ZBBX: variants seen among roughly 807,000 people sequenced by gnomAD.
The protein encoded by ZBBX is zinc finger B-box domain containing.
In ZBBX, 101 loss-of-function variants were observed where a neutral mutation model predicts 108.5. The observed-to-expected ratio is 0.93, with a 90% confidence interval of 0.79 to 1.10. ZBBX has a LOEUF of 1.10. Among genes scored for constraint, ZBBX ranks in the 50% least tolerant of loss-of-function variants. The pLI is 0.00. For missense variants in ZBBX, 1,009 were observed against 941.4 expected, an observed-to-expected ratio of 1.07 and a Z score of -0.94; for synonymous variants, 356 against 323.4, an observed-to-expected ratio of 1.10 and a Z score of -1.08.
rs370294097 is a variant in ZBBX, at chr3:167,298,380, T to C, written c.1804A>G (p.Thr602Ala). Residue 602 changes from threonine to alanine, a missense_variant, in exon 18 of 22, where the codon ACA becomes GCA. Thr to Ala is a moderately conservative substitution (Grantham distance 58). Transcript: ENST00000675490. Reference sequence around the variant, plus strand: ...GGAAGTAAGTTGAGTCTTTCATTTGTATCAAAAATAAAGAATCTCTCAAGT... The same window carrying C: ...GGAAGTAAGTTGAGTCTTTCATTTGCATCAAAAATAAAGAATCTCTCAAGT... ...QGLERFFIFD[T>A]NERLNLLPSH... 1.0e-5 allele frequency: 16 copies of C among 1,599,450 alleles called. No homozygotes were observed. Among genetic ancestry groups the C allele is most frequent in the East Asian group, 2.3e-5 (1 of 44,362 alleles).
At chr3:167,273,146 C>A (rs1318899200) in intron 20 of ZBBX, among the ~76,000 whole-genome samples, 1 of 152,184 alleles carries the variant, frequency 6.6e-6, no homozygotes, top group African/African-American at 2.4e-5. Flanking sequence ...AGACTGCCAT[C>A]TCTTCTATAC....
chr3:167,328,597 T>G (rs1231182057), intron 10 of ZBBX, among the ~76,000 whole-genome samples: 2 of 152,152 alleles, frequency 1.3e-5, no homozygotes, highest in African/African-American at 4.8e-5. Context: ...CTACACAACC[T>G]TGTATTTCCT....
In ZBBX at chr3:167,242,979, T is replaced by C. The variant is rs570985035; in HGVS notation, c.2255-336A>G. Reference sequence around the variant, plus strand: ...CAATATTTTGCAGCCACTCAACCTGTTGGACATTTTGTTATCTTTTTTCTT... The same window carrying C: ...CAATATTTTGCAGCCACTCAACCTGCTGGACATTTTGTTATCTTTTTTCTT... On this transcript the variant is annotated intron_variant, in intron 20 of 21. Transcript: ENST00000675490. Among the ~76,000 whole-genome samples the C allele has an allele frequency of 2.4e-4, 36 of 152,290 alleles. 1 individual carries two copies. Among genetic ancestry groups the C allele is most frequent in the African/African-American group, 8.4e-4 (35 of 41,582 alleles).
At chr3:167,375,360 G>T (rs577400483) in intron 2 of ZBBX, among the ~76,000 whole-genome samples, 1 of 152,262 alleles carries the variant, frequency 6.6e-6, no homozygotes, top group African/African-American at 2.4e-5. Context: ...GGGAGGCCAA[G>T]GTGGGCAGAT....
At chr3:167,361,375 G>A (rs1006864364) in intron 6 of ZBBX, among the ~76,000 whole-genome samples, 1 of 152,116 alleles carries the variant, frequency 6.6e-6, no homozygotes, top group Non-Finnish European at 1.5e-5. Flanking sequence ...GAACATGCTT[G>A]CCTTGATCTT....
At chr3:167,213,062 T>G in the ZBBX span, among the ~76,000 whole-genome samples, 1 of 152,046 alleles carries the variant, frequency 6.6e-6, no homozygotes, top group Admixed American at 6.6e-5. Context: ...TACACTGCAG[T>G]TAAAGGAAAA....
the ZBBX span, among the ~76,000 whole-genome samples, chr3:167,200,471 C>G: frequency 6.6e-6 from 1 of 151,990 alleles, no homozygotes; most frequent in Non-Finnish European, 1.5e-5. Context: ...GAAACTGGAG[C>G]CTGAAATTAA....
chr3:167,204,449 A>T, the ZBBX span, among the ~76,000 whole-genome samples: 3 of 133,786 alleles, frequency 2.2e-5, no homozygotes, highest in Non-Finnish European at 4.7e-5. Context: ...TGTCCATGTG[A>T]TCTCATTGTT....
rs1267878866 is a variant in ZBBX at position 167,328,114 on chromosome 3, T to C, written c.690A>G (p.Val230=). The change falls in exon 11 of 22, where the codon GTA becomes GTG. Residue 230 remains valine (V), a splice_region_variant and synonymous_variant. Coordinates refer to ENST00000675490, the MANE Select transcript of ZBBX (RefSeq NM_001199201.2). ...SVLLQRSSSE[V]EITTMKRAQR... is the part of the protein sequence containing the mutation. The stretch of plus-strand genomic sequence containing the variant: ...GTGCTCTTTTCATCGTTGTAATTTC[T>C]ACCTAATTAAAAGGATACATAGGCA... 2 of 1,608,652 alleles carry C rather than the reference T, an allele frequency of 1.2e-6. No individual in the cohort carries two copies. The highest frequency in any genetic ancestry group is 1.7e-6 in the Non-Finnish European group (2 of 1,178,532).
At chr3:167,253,194 C>G (rs1013522606) in intron 20 of ZBBX, among the ~76,000 whole-genome samples, 2 of 151,988 alleles carry the variant, frequency 1.3e-5, no homozygotes, top group Non-Finnish European at 2.9e-5. Context: ...AAGAGTCAAC[C>G]AAATAAAATT....
chr3:167,221,133 T>C, the ZBBX span, among the ~76,000 whole-genome samples: 134 of 152,092 alleles, frequency 8.8e-4, no homozygotes, highest in Non-Finnish European at 1.5e-3. Context: ...ATGTTCATAC[T>C]ATGTAAAGCA....
the ZBBX span, among the ~76,000 whole-genome samples, chr3:167,191,934 T>TATATATATAGAGAG: frequency 8.4e-5 from 11 of 130,222 alleles, 1 homozygote; most frequent in African/African-American, 1.8e-4. Flanking sequence ...TATATATATA[T>TATATATATAGAGAG]AGAGCAAGTT....
In ZBBX at chr3:167,242,425, TATAATAAAG is replaced by T. The variant is rs142899369; in HGVS notation, c.2393+71_2393+79del. On this transcript the variant is annotated intron_variant, in intron 21 of 21. Transcript: ENST00000675490. ...TACACATGAGGACAATCTTTCTATATATAATAAAGATAACTAGTTGGAGCTTGTCAAAAT... is the reference window on the plus strand; with the variant it reads ...TACACATGAGGACAATCTTTCTATATATAACTAGTTGGAGCTTGTCAAAAT... 2,399 of 1,201,400 alleles carry T rather than the reference TATAATAAAG, an allele frequency of 2.0e-3. 37 individuals are homozygous for T. The African/African-American group carries it at 0.032, about 16-fold the overall frequency. The allele number at this position is 1,201,400 out of a possible 1,614,324, so 74.4% of individuals were successfully genotyped here.
chr3:167,386,904 G>C (rs1747938279), intron 1 of ZBBX, among the ~76,000 whole-genome samples: 1 of 152,012 alleles, frequency 6.6e-6, no homozygotes, highest in African/African-American at 2.4e-5. Flanking sequence ...ATGTCTAACA[G>C]TAATTTTCTT....
chr3:167,364,328 C>G (rs1009320663), intron 6 of ZBBX, among the ~76,000 whole-genome samples: 2 of 151,992 alleles, frequency 1.3e-5, no homozygotes, highest in African/African-American at 4.8e-5. Flanking sequence ...TAAATAGATA[C>G]TCAAAACTTT....
chr3:167,190,514 G>A, the ZBBX span, among the ~76,000 whole-genome samples: 1 of 151,610 alleles, frequency 6.6e-6, no homozygotes, highest in Non-Finnish European at 1.5e-5. Context: ...CCGACTAGCT[G>A]GGACTACAGG....
rs1177994610 is a variant in ZBBX, at chr3:167,263,606, G to A, written c.2254+18632C>T. Among the ~76,000 whole-genome samples, 3 of 152,032 alleles carry A rather than the reference G, an allele frequency of 2.0e-5. No individual in the cohort carries two copies. The East Asian group carries it at 5.8e-4, about 29-fold the overall frequency. On this transcript the variant is annotated intron_variant, in intron 20 of 21. Coordinates refer to ENST00000675490, the MANE Select transcript of ZBBX (RefSeq NM_001199201.2). Reference sequence around the variant, plus strand: ...TTCTTGACATTATTTCCAATTTTTGGATATTTTATGACTTGTTTTGTTACC... The same window carrying A: ...TTCTTGACATTATTTCCAATTTTTGAATATTTTATGACTTGTTTTGTTACC...
Position 167,309,507 on chromosome 3 carries a change from C to T in ZBBX, c.1418-3557G>A, listed in dbSNP as rs548364222. Among the ~76,000 whole-genome samples, 5 of 152,344 alleles carry T rather than the reference C, an allele frequency of 3.3e-5. No individual in the cohort carries two copies. In the South Asian group the frequency reaches 1.0e-3, roughly 32 times the overall value. On this transcript the variant is annotated intron_variant, in intron 16 of 21. Transcript: ENST00000675490. ...TGATATCTAGACAGAGGTTTCCAAA[C>T]CTCAAGTCTTATCTTCTGTGACTCA... is the stretch of plus-strand genomic sequence containing the variant.
At chr3:167,230,915 G>C in the ZBBX span, among the ~76,000 whole-genome samples, 1 of 151,800 alleles carries the variant, frequency 6.6e-6, no homozygotes, top group Non-Finnish European at 1.5e-5. Context: ...GGTCAGGTGG[G>C]AGTGGTGGAG....
Sources: gnomAD v4.1 joint callset for allele counts (sites outside exome capture counted in the v4.1 genomes callset) on GRCh38, gnomAD v4.1.1 for gene constraint, MANE v1.5 for transcripts, NCBI Gene and HGNC (gene_info 2026-07-23, HGNC 2026-07-21) for gene names.